Variants in SBSPON observed in about 807,000 individuals in gnomAD.
SBSPON encodes somatomedin-B and thrombospondin type-1 domain-containing protein.
A neutral mutation model predicts 35.8 loss-of-function variants in SBSPON; 30 were observed. The ratio of observed to expected loss-of-function variants is 0.84; its 90% CI spans 0.63 to 1.14. SBSPON has a LOEUF of 1.14. SBSPON is among the 50% of genes most tolerant of loss of function. SBSPON has a pLI of 0.00. For synonymous variants in SBSPON, 136 were observed against 135.9 expected (o/e 1.00, Z 0.00); for missense variants, 364 against 357.7 (o/e 1.02, Z -0.14).
rs1810387839 is a variant in SBSPON, at chr8:73,066,386, C to CT, written c.*954dup. The CT allele has an allele frequency of 6.6e-6, 1 of 152,114 alleles. No homozygotes were observed. Among genetic ancestry groups the CT allele is most frequent in the Non-Finnish European group, 1.5e-5 (1 of 68,030 alleles). 9.4% of individuals were successfully genotyped at this position (152,114 alleles called of 1,614,324 possible). A position where few individuals can be genotyped will look rare whatever the true frequency, so the allele number is the denominator to read the frequency against. Reference sequence around the variant, plus strand: ...ATTTTCCAATCATAAAATAAGGAGACTAACATTTCCTTGTGTGTGTGTGAG... The same window carrying CT: ...ATTTTCCAATCATAAAATAAGGAGACTTAACATTTCCTTGTGTGTGTGTGAG... On this transcript the variant is annotated 3_prime_UTR_variant, in exon 5 of 5. Coordinates refer to ENST00000297354, the MANE Select transcript of SBSPON (RefSeq NM_153225.4).
intron 2 of SBSPON, among the ~76,000 whole-genome samples, chr8:73,079,552 G>GACCTCAGCCCCACAT (rs1331239160): frequency 2.0e-5 from 3 of 150,914 alleles, no homozygotes; most frequent in African/African-American, 4.9e-5. Context: ...CAGCTCTACA[G>GACCTCAGCCCCACAT]ACCTCAGCCC....
intron 1 of SBSPON, among the ~76,000 whole-genome samples, chr8:73,090,578 G>A (rs1175029860): frequency 6.6e-6 from 1 of 152,226 alleles, no homozygotes; most frequent in Non-Finnish European, 1.5e-5. Flanking sequence ...GTCCCACCAA[G>A]TGGCCACCTT....
chr8:73,070,804 C>T (rs551483638), intron 3 of SBSPON, among the ~76,000 whole-genome samples: 94 of 152,296 alleles, frequency 6.2e-4, no homozygotes, highest in African/African-American at 2.2e-3. Flanking sequence ...GTGGCATTTT[C>T]AGTTCCATGG....
At chr8:73,067,594 T>C in intron 4 of SBSPON, 136 bp from the exon 5 acceptor site, 1 of 35,054 alleles carries the variant, frequency 2.9e-5, no homozygotes, top group African/African-American at 3.9e-4. Flanking sequence ...CTCTACTATA[T>C]ATATATATAT....
chr8:73,091,401 A>G (rs1810932047), intron 1 of SBSPON, among the ~76,000 whole-genome samples: 1 of 152,220 alleles, frequency 6.6e-6, no homozygotes, highest in South Asian at 2.1e-4. Context: ...AGAAAGTCCT[A>G]GAGAGCAGAG....
chr8:73,084,895 A>G (rs553036125), intron 1 of SBSPON, among the ~76,000 whole-genome samples: 19 of 152,204 alleles, frequency 1.2e-4, no homozygotes, highest in African/African-American at 4.3e-4. Flanking sequence ...GATGCCCCTG[A>G]GGATCATGAT....
In SBSPON at chr8:73,067,390, C is replaced by T. The variant is rs554120113; in HGVS notation, c.746G>A (p.Arg249Gln). 1.4e-5 allele frequency: 23 copies of T among 1,611,896 alleles called. No individual in the cohort carries two copies. Among genetic ancestry groups the T allele is most frequent in the African/African-American group, 6.7e-5 (5 of 74,714 alleles). ...RCQGTWKKVR[R>Q]VDQCSCPAVH... ...AGCTGGACAAGAACACTGGTCTACT[C>T]GCCGAACTTTTTTCCAAGTTCCTTG... Residue 249 changes from arginine (R) to glutamine (Q), a missense_variant, in exon 5 of 5, where the codon CGA becomes CAA. Arg to Gln is a conservative substitution (Grantham distance 43). Coordinates refer to ENST00000297354, the MANE Select transcript of SBSPON (RefSeq NM_153225.4).
intron 1 of SBSPON, chr8:73,085,911 A>G (rs1810815519): frequency 6.6e-6 from 1 of 152,118 alleles, no homozygotes; most frequent in Non-Finnish European, 1.5e-5. Context: ...AGCCCTGCCT[A>G]TTGGCTTTTT....
rs912683908 is a variant in SBSPON at position 73,065,673 on chromosome 8, G to A, written c.*1668C>T. ...CGGCGCCTGTAGTCCCAGCTACTTG[G>A]GAGGCTGAGGCAGAAGAATGGCGTG... is the stretch of plus-strand genomic sequence containing the variant. On this transcript the variant is annotated 3_prime_UTR_variant, in exon 5 of 5. Coordinates refer to ENST00000297354, the MANE Select transcript of SBSPON (RefSeq NM_153225.4). 6.6e-6 allele frequency: 1 copy of A among 152,150 alleles called. No homozygotes were observed. The highest frequency in any genetic ancestry group is 2.4e-5 in the African/African-American group (1 of 41,416). 9.4% of individuals were successfully genotyped at this position (152,150 alleles called of 1,614,324 possible). A position where few individuals can be genotyped will look rare whatever the true frequency, so the allele number is the denominator to read the frequency against.
chr8:73,081,277 GC>G, intron 1 of SBSPON, 64 bp from the exon 2 acceptor site: 3 of 1,381,436 alleles, frequency 2.2e-6, no homozygotes, highest in Non-Finnish European at 2.9e-6. Context: ...GGCTGTTCCC[GC>G]CAACACAAAC....
At chr8:73,087,043 T>G (rs1810841304) in intron 1 of SBSPON, among the ~76,000 whole-genome samples, 1 of 151,980 alleles carries the variant, frequency 6.6e-6, no homozygotes, top group South Asian at 2.1e-4. Flanking sequence ...GCCATTGGAG[T>G]TTATGCAGAC....
At chr8:73,084,893 T>C (rs1810794519) in intron 1 of SBSPON, among the ~76,000 whole-genome samples, 1 of 152,146 alleles carries the variant, frequency 6.6e-6, no homozygotes, top group African/African-American at 2.4e-5. Context: ...TTGATGCCCC[T>C]GAGGATCATG....
At chr8:73,073,911 A>C (rs1810544310) in intron 2 of SBSPON, among the ~76,000 whole-genome samples, 1 of 151,938 alleles carries the variant, frequency 6.6e-6, no homozygotes, top group Non-Finnish European at 1.5e-5. Context: ...TGACATGTTT[A>C]ATTGTTTTCT....
intron 1 of SBSPON, among the ~76,000 whole-genome samples, chr8:73,091,949 A>G (rs139343198): frequency 6.6e-6 from 1 of 152,218 alleles, no homozygotes; most frequent in Non-Finnish European, 1.5e-5. Flanking sequence ...TCGAACCCTA[A>G]TATCTGTGTG....
At chr8:73,073,488 A>G (rs1180707138) in intron 2 of SBSPON, among the ~76,000 whole-genome samples, 1 of 152,156 alleles carries the variant, frequency 6.6e-6, no homozygotes, top group African/African-American at 2.4e-5. Flanking sequence ...CTTAATGAGG[A>G]GTTATTTTTG....
At chr8:73,078,727 G>A (rs569322792) in intron 2 of SBSPON, among the ~76,000 whole-genome samples, 4 of 152,144 alleles carry the variant, frequency 2.6e-5, no homozygotes, top group East Asian at 1.9e-4. Flanking sequence ...GTGACTGAGC[G>A]TAATTTTGTT....
Position 73,067,277 on chromosome 8 carries a change from T to C in SBSPON, c.*64A>G. The C allele has an allele frequency of 2.9e-6, 3 of 1,031,822 alleles. No individual in the cohort carries two copies. The highest frequency in any genetic ancestry group is 2.4e-5 in the East Asian group (1 of 41,122). 63.9% of individuals were successfully genotyped at this position (1,031,822 alleles called of 1,614,324 possible). A position where few individuals can be genotyped will look rare whatever the true frequency, so the allele number is the denominator to read the frequency against. On this transcript the variant is annotated 3_prime_UTR_variant, in exon 5 of 5. Coordinates refer to ENST00000297354, the MANE Select transcript of SBSPON (RefSeq NM_153225.4). Reference sequence around the variant, plus strand: ...GCCAAAATTGAAGGTTTAGGAAACATTGAACATGACTTGAGAATATTTAGA... The same window carrying C: ...GCCAAAATTGAAGGTTTAGGAAACACTGAACATGACTTGAGAATATTTAGA...
chr8:73,084,705 T>C (rs922421856), intron 1 of SBSPON, among the ~76,000 whole-genome samples: 3 of 151,654 alleles, frequency 2.0e-5, no homozygotes, highest in Non-Finnish European at 4.4e-5. Flanking sequence ...AGGGAGTCTT[T>C]TTCTGGCCAG....
At chr8:73,081,765 C>T (rs1228328630) in intron 1 of SBSPON, among the ~76,000 whole-genome samples, 1 of 152,174 alleles carries the variant, frequency 6.6e-6, no homozygotes, top group Non-Finnish European at 1.5e-5. Context: ...TGCACAGGGA[C>T]CCCTATACTC....
Sources: allele counts gnomAD v4.1 joint callset (sites outside exome capture counted in the v4.1 genomes callset), GRCh38; gene constraint gnomAD v4.1.1; transcripts MANE v1.5; gene names NCBI Gene and HGNC (gene_info 2026-07-23, HGNC 2026-07-21).